The following HIVEP1 variants were observed in gnomAD, a reference collection of about 807,000 sequenced individuals.
HIVEP1 encodes zinc finger protein 40.
In HIVEP1, 36 loss-of-function variants were observed where a neutral mutation model predicts 180.0. The observed-to-expected ratio is 0.20, with a 90% CI of 0.15 to 0.26. The LOEUF (loss-of-function observed/expected upper bound fraction) is 0.26. HIVEP1 is among the 10% of genes least tolerant of loss of function. HIVEP1 has a pLI of 1.00. For synonymous variants in HIVEP1, 1,239 were observed against 1,239.0 expected, an observed-to-expected ratio of 1.00 and a Z score of 0.00; for missense variants, 3,143 against 3,268.7, an observed-to-expected ratio of 0.96 and a Z score of 0.94.
rs76729586 is a variant in HIVEP1 at position 12,049,419 on chromosome 6, G to A, written c.40+33751G>A. ...TTTAACCCCTCAGGGAGCTTGTGGC[G>A]TGACAGCACTGGCTTTCTGTGTTCG... On this transcript the variant is annotated intron_variant, in intron 2 of 8. Coordinates refer to ENST00000379388, the MANE Select transcript of HIVEP1 (RefSeq NM_002114.4). Among the ~76,000 whole-genome samples the A allele has an allele frequency of 0.012, 1,789 of 152,268 alleles. 62 individuals are homozygous for A. The East Asian group carries it at 0.15, about 13-fold the overall frequency.
intron 2 of HIVEP1, among the ~76,000 whole-genome samples, chr6:12,048,575 G>T (rs1407358305): frequency 6.6e-6 from 1 of 152,106 alleles, no homozygotes; most frequent in Non-Finnish European, 1.5e-5. Flanking sequence ...ACAATCTGTT[G>T]TTCATGGTAC....
chr6:12,067,032 G>A (rs1237374106), intron 2 of HIVEP1, among the ~76,000 whole-genome samples: 2 of 152,102 alleles, frequency 1.3e-5, no homozygotes, highest in African/African-American at 4.8e-5. Context: ...ATAATTTAGT[G>A]TATTTTCATC....
chr6:12,030,483 G>C (rs1391453616), intron 2 of HIVEP1, among the ~76,000 whole-genome samples: 1 of 152,060 alleles, frequency 6.6e-6, no homozygotes, highest in Non-Finnish European at 1.5e-5. Context: ...CTGTTCCTCA[G>C]ATTGGATACT....
chr6:12,133,668 G>C (rs550385160), intron 6 of HIVEP1, among the ~76,000 whole-genome samples: 37 of 152,292 alleles, frequency 2.4e-4, no homozygotes, highest in Non-Finnish European at 3.7e-4. Flanking sequence ...TGCAATGGCT[G>C]TCTATCTAGG....
chr6:12,090,661 AAACG>A (rs1773409158), intron 3 of HIVEP1, among the ~76,000 whole-genome samples: 2 of 151,620 alleles, frequency 1.3e-5, no homozygotes, highest in South Asian at 4.2e-4. Flanking sequence ...TGACTGACTT[AAACG>A]CATGAGGCAT....
intron 2 of HIVEP1, among the ~76,000 whole-genome samples, chr6:12,078,649 A>C (rs1032665842): frequency 3.4e-5 from 5 of 147,158 alleles, no homozygotes; most frequent in African/African-American, 1.2e-4. Context: ...ACACACACAC[A>C]CATACATATA....
At chr6:12,161,317 G>A in intron 7 of HIVEP1, 122 bp from the exon 8 acceptor site, 1 of 918,578 alleles carries the variant, frequency 1.1e-6, no homozygotes, top group Non-Finnish European at 1.7e-6. Context: ...GAGGCTCGTT[G>A]TGGGCAGGGT....
At position 12,043,481 on chromosome 6, in the gene HIVEP1, C is replaced by T. The variant is rs140847324; in HGVS notation, c.40+27813C>T. 6.2e-3 allele frequency among the ~76,000 whole-genome samples: 938 copies of T among 151,726 alleles called. 6 individuals are homozygous for T. The highest frequency in any genetic ancestry group is 0.011 in the Non-Finnish European group (724 of 67,934). ...GGTTCAAGTGATTCTCCTGCCTCAG[C>T]CTCCCAAATAGCTGGGATTACAGGA... On this transcript the variant is annotated intron_variant, in intron 2 of 8. Transcript: ENST00000379388.
intron 1 of HIVEP1, chr6:12,012,888 C>T (rs1767469455): frequency 6.5e-6 from 1 of 152,852 alleles, no homozygotes; most frequent in Admixed American, 6.5e-5. Context: ...ATCCCAACCT[C>T]CCGGCTTTGT....
chr6:12,038,154 C>T (rs972555815), intron 2 of HIVEP1: 2 of 171,570 alleles, frequency 1.2e-5, no homozygotes, highest in Admixed American at 1.3e-4. Flanking sequence ...CTATTGAAGG[C>T]AAGGAACAAT....
At chr6:12,045,958 T>C (rs1228849195) in intron 2 of HIVEP1, among the ~76,000 whole-genome samples, 2 of 152,262 alleles carry the variant, frequency 1.3e-5, no homozygotes, top group African/African-American at 4.8e-5. Context: ...ATATTTCTAA[T>C]ACTTGAAATT....
chr6:12,119,836 GT>G, intron 3 of HIVEP1, 53 bp from the exon 4 acceptor site: 1 of 1,110,600 alleles, frequency 9.0e-7, no homozygotes, highest in Non-Finnish European at 1.3e-6. Context: ...AAAAATTATA[GT>G]TGGTGTATGT....
In HIVEP1 at chr6:12,107,753, C is replaced by T. The variant is rs530603972; in HGVS notation, c.95-12137C>T. Among the ~76,000 whole-genome samples, 377 of 152,258 alleles carry T rather than the reference C, an allele frequency of 2.5e-3. 1 individual carries two copies. Among genetic ancestry groups the T allele is most frequent in the Admixed American group, 4.1e-3 (62 of 15,296 alleles). ...GAGTGAAAGAACAAAGCTTCCACAG[C>T]GTAGAAGGGGACCCGAGCGGGTTGC... On this transcript the variant is annotated intron_variant, in intron 3 of 8. Coordinates refer to ENST00000379388, the MANE Select transcript of HIVEP1 (RefSeq NM_002114.4).
At chr6:12,033,831 T>A (rs1384147617) in intron 2 of HIVEP1, among the ~76,000 whole-genome samples, 1 of 152,218 alleles carries the variant, frequency 6.6e-6, no homozygotes, top group Non-Finnish European at 1.5e-5. Flanking sequence ...AAGAGTACAT[T>A]TGTTGTGGAT....
chr6:12,206,141 G>GT, the HIVEP1 span, among the ~76,000 whole-genome samples: 1 of 151,882 alleles, frequency 6.6e-6, no homozygotes. Flanking sequence ...TTTTGTTTTT[G>GT]TTTTTTCTTG....
intron 2 of HIVEP1, among the ~76,000 whole-genome samples, chr6:12,046,546 T>C (rs1770126590): frequency 1.3e-5 from 2 of 152,176 alleles, no homozygotes; most frequent in Non-Finnish European, 2.9e-5. Flanking sequence ...TTTGGGAGGC[T>C]GAGGTGGGTG....
At chr6:12,071,762 T>C (rs1189006487) in intron 2 of HIVEP1, among the ~76,000 whole-genome samples, 1 of 152,202 alleles carries the variant, frequency 6.6e-6, no homozygotes, top group Non-Finnish European at 1.5e-5. Context: ...TAATGTGAAA[T>C]AATTTAATAT....
At chr6:12,047,148 C>T (rs1011365881) in intron 2 of HIVEP1, among the ~76,000 whole-genome samples, 11 of 152,066 alleles carry the variant, frequency 7.2e-5, no homozygotes, top group Non-Finnish European at 1.5e-4. Context: ...TGTGAGCCAC[C>T]GCGCCCAGCT....
chr6:12,050,596 A>T (rs1369290110), intron 2 of HIVEP1, among the ~76,000 whole-genome samples: 2 of 150,188 alleles, frequency 1.3e-5, no homozygotes, highest in Non-Finnish European at 2.9e-5. Flanking sequence ...AAAAAAAAAA[A>T]AATAAAAAAA....
Sources: allele counts gnomAD v4.1 joint callset (sites outside exome capture counted in the v4.1 genomes callset), GRCh38; gene constraint gnomAD v4.1.1; transcripts MANE v1.5; gene names NCBI Gene and HGNC (gene_info 2026-07-23, HGNC 2026-07-21).